The following ACTR1B variants were observed in gnomAD, a reference collection of about 807,000 sequenced individuals.
ACTR1B encodes the protein beta-centractin.
A neutral mutation model predicts 49.4 loss-of-function variants in ACTR1B; 34 were observed. That is an observed-to-expected ratio of 0.69 (90% CI 0.52 to 0.92). The LOEUF is 0.92. Among genes scored for constraint, ACTR1B ranks in the 40% least tolerant of loss-of-function variants. The pLI is 0.00. For synonymous variants in ACTR1B, 207 were observed against 207.8 expected (o/e 1.00, Z 0.03); for missense variants, 471 against 522.4 (o/e 0.90, Z 0.96).
At chr2:97,663,784 C>T in intron 1 of ACTR1B, 59 bp downstream of exon 1, 1 of 1,213,456 alleles carries the variant, frequency 8.2e-7, no homozygotes. Flanking sequence ...TCTCCCTGCG[C>T]CGCCGCGTGC....
Position 97,661,942 on chromosome 2 carries a change from G to A in ACTR1B, c.53C>T (p.Ser18Leu), listed in dbSNP as rs755547378. The part of the protein sequence containing the change: ...ANQPVVIDNG[S>L]GVIKAGFAGD... ...TGCAAAGCCAGCTTTAATCACCCCC[G>A]AACCCTGCAAGGAAAAACAAAGTTG... Residue 18 changes from serine to leucine, a missense_variant, in exon 2 of 11, where the codon TCG becomes TTG. Ser to Leu is a moderately radical substitution (Grantham distance 145). Transcript: ENST00000289228. 59 of 1,589,736 alleles carry A rather than the reference G, an allele frequency of 3.7e-5. No individual in the cohort carries two copies. Among genetic ancestry groups the A allele is most frequent in the Non-Finnish European group, 5.1e-5 (59 of 1,166,172 alleles).
At chr2:97,661,220 C>A (rs1179022582) in intron 2 of ACTR1B, among the ~76,000 whole-genome samples, 1 of 152,266 alleles carries the variant, frequency 6.6e-6, no homozygotes, top group Non-Finnish European at 1.5e-5. Context: ...GCGCACCATG[C>A]TAGCTCTGTC....
chr2:97,659,061 G>A lies in ACTR1B; in HGVS notation c.316-58C>T, dbSNP rs1674940406. The A allele has an allele frequency of 1.2e-6, 2 of 1,609,472 alleles. No homozygotes were observed. ...GGAGGCAACTTGCAAGGCCCTAAAA[G>A]GCTCTTTCCAGAGAACCACACCCGC... On this transcript the variant is annotated intron_variant, in intron 4 of 10. Transcript: ENST00000289228. This position sits in a 1 kb window ranked among gnomAD's most constrained non-coding sequence, Gnocchi z 4.0.
In ACTR1B at chr2:97,658,703, AGGGGAGGAACCCT is replaced by A. The variant is rs1674927896; in HGVS notation, c.441-73_441-61del. Reference sequence around the variant, plus strand: ...CTGAGGCACGGGGACCTCCTCACCCAGGGGAGGAACCCTGGCACATCTGCATTATCTAGTCTGA... The same window carrying A: ...CTGAGGCACGGGGACCTCCTCACCCAGGCACATCTGCATTATCTAGTCTGA... On this transcript the variant is annotated intron_variant, in intron 5 of 10. Transcript: ENST00000289228. The surrounding 1 kb of genome is among the most constrained non-coding windows in gnomAD (Gnocchi z 5.9). 6.3e-7 allele frequency: 1 copy of A among 1,590,252 alleles called. No individual in the cohort carries two copies. The highest frequency in any genetic ancestry group is 1.3e-5 in the African/African-American group (1 of 74,384).
At chr2:97,657,905 G>A in intron 8 of ACTR1B, 38 bp downstream of exon 8, 5 of 1,604,150 alleles carry the variant, frequency 3.1e-6, no homozygotes, top group Non-Finnish European at 4.3e-6. Context: ...GCTGCCCTGG[G>A]CCTCGTCTCA....
chr2:97,659,289 G>A lies in ACTR1B; in HGVS notation c.315+63C>T. 1 of 1,607,040 alleles carries A rather than the reference G, an allele frequency of 6.2e-7. No homozygotes were observed. The highest frequency in any genetic ancestry group is 1.3e-5 in the African/African-American group (1 of 74,948). On this transcript the variant is annotated intron_variant, in intron 4 of 10. Transcript: ENST00000289228. The surrounding 1 kb of genome is among the most constrained non-coding windows in gnomAD (Gnocchi z 4.0). ...GAAATGTGGGAGCCCGGCGAGGAGG[G>A]ACGCAGAGGAGAGGGGCATGGCCAG...
chr2:97,659,054 C>T lies in ACTR1B; in HGVS notation c.316-51G>A, dbSNP rs1355437088. 1 of 1,611,112 alleles carries T rather than the reference C, an allele frequency of 6.2e-7. No homozygotes were observed. The highest frequency in any genetic ancestry group is 8.5e-7 in the Non-Finnish European group (1 of 1,178,318). Reference sequence around the variant, plus strand: ...CATCAGAGGAGGCAACTTGCAAGGCCCTAAAAGGCTCTTTCCAGAGAACCA... The same window carrying T: ...CATCAGAGGAGGCAACTTGCAAGGCTCTAAAAGGCTCTTTCCAGAGAACCA... On this transcript the variant is annotated intron_variant, in intron 4 of 10. Coordinates refer to ENST00000289228, the MANE Select transcript of ACTR1B (RefSeq NM_005735.4). This position sits in a 1 kb window ranked among gnomAD's most constrained non-coding sequence, Gnocchi z 4.0.
At chr2:97,663,497 C>T (rs1264311825) in intron 1 of ACTR1B, among the ~76,000 whole-genome samples, 1 of 152,216 alleles carries the variant, frequency 6.6e-6, no homozygotes, top group African/African-American at 2.4e-5. Context: ...CGGAAAGGAA[C>T]TGGTGTGGAA....
At chr2:97,657,554 C>T (rs1356740497) in intron 8 of ACTR1B, 45 bp from the exon 9 acceptor site, 5 of 1,597,858 alleles carry the variant, frequency 3.1e-6, no homozygotes, top group Admixed American at 3.3e-5. Flanking sequence ...CACCCGGCCT[C>T]CTCGCTGCTA....
rs1352509889 is a variant in ACTR1B at position 97,658,476 on chromosome 2, A to G, written c.608T>C (p.Val203Ala). 6.2e-7 allele frequency: 1 copy of G among 1,613,818 alleles called. No individual in the cohort carries two copies. Among genetic ancestry groups the G allele is most frequent in the East Asian group, 2.2e-5 (1 of 44,860 alleles). Residue 203 changes from valine (V) to alanine (A), a missense_variant, in exon 6 of 11, where the codon GTT becomes GCT. Val to Ala is a moderately conservative substitution (Grantham distance 64). Coordinates refer to ENST00000289228, the MANE Select transcript of ACTR1B (RefSeq NM_005735.4). The surrounding 1 kb of genome is among the most constrained non-coding windows in gnomAD (Gnocchi z 5.9). ...YLRLLLRKEG[V>A]DFHTSAEFEV... Reference sequence around the variant, plus strand: ...AAACTCAGCCGAGGTATGGAAGTCAACCCCTTCCTTGCGCAGCAGGAGTCG... The same window carrying G: ...AAACTCAGCCGAGGTATGGAAGTCAGCCCCTTCCTTGCGCAGCAGGAGTCG...
chr2:97,658,684 C>T lies in ACTR1B; in HGVS notation c.441-41G>A. The T allele has an allele frequency of 6.2e-7, 1 of 1,604,108 alleles. No individual in the cohort carries two copies. Among genetic ancestry groups the T allele is most frequent in the Non-Finnish European group, 8.5e-7 (1 of 1,172,436 alleles). ...CATCCCCTCACCTCAGCCACTGAGG[C>T]ACGGGGACCTCCTCACCCAGGGGAG... is the stretch of plus-strand genomic sequence containing the variant. On this transcript the variant is annotated intron_variant, in intron 5 of 10. Coordinates refer to ENST00000289228, the MANE Select transcript of ACTR1B (RefSeq NM_005735.4). This position sits in a 1 kb window ranked among gnomAD's most constrained non-coding sequence, Gnocchi z 5.9.
Position 97,663,948 on chromosome 2 carries a change from G to T in ACTR1B, c.-58C>A. 1.0e-6 allele frequency: 1 copy of T among 996,306 alleles called. No individual in the cohort carries two copies. The highest frequency in any genetic ancestry group is 3.3e-5 in the South Asian group (1 of 30,124). The allele number at this position is 996,306 out of a possible 1,614,324, so 61.7% of individuals were successfully genotyped here. On this transcript the variant is annotated 5_prime_UTR_variant, in exon 1 of 11. Coordinates refer to ENST00000289228, the MANE Select transcript of ACTR1B (RefSeq NM_005735.4). The stretch of plus-strand genomic sequence containing the variant: ...GGCTGCAGGAGGCACCGGATGGGCG[G>T]GCGGGCGGGAGGACCGGGACGGCGG...
intron 1 of ACTR1B, among the ~76,000 whole-genome samples, chr2:97,663,602 G>T (rs1257658500): frequency 1.3e-5 from 2 of 151,848 alleles, no homozygotes; most frequent in African/African-American, 2.4e-5. Flanking sequence ...GAACTTCCCC[G>T]CCCGACTCGG....
intron 10 of ACTR1B, 29 bp downstream of exon 10, chr2:97,657,123 C>A: frequency 6.2e-7 from 1 of 1,609,546 alleles, no homozygotes. Context: ...TGGTCTCCTC[C>A]CAGAGCCCTC....
In ACTR1B at chr2:97,656,977, A is replaced by T. The variant is rs749645665; in HGVS notation, c.1029-17T>A. 5.4e-5 allele frequency: 86 copies of T among 1,587,170 alleles called. 1 individual carries two copies. The highest frequency in any genetic ancestry group is 7.2e-5 in the Non-Finnish European group (84 of 1,165,696). ...ATGGAGCCGCTGTGGGGATGGAGGGATAGTATTGCTGTGGACCTGTCAGGG... is the reference window on the plus strand; with the variant it reads ...ATGGAGCCGCTGTGGGGATGGAGGGTTAGTATTGCTGTGGACCTGTCAGGG... On this transcript the variant is annotated splice_polypyrimidine_tract_variant and intron_variant, in intron 10 of 10. Transcript: ENST00000289228.
chr2:97,656,798 G>A lies in ACTR1B; in HGVS notation c.*60C>T. On this transcript the variant is annotated 3_prime_UTR_variant, in exon 11 of 11. Transcript: ENST00000289228. The stretch of plus-strand genomic sequence containing the variant: ...AGTATACGAGCCAAGACCAAAAAGG[G>A]TTAAAGGCTCTGTCTCCCCTCCCTC... The A allele has an allele frequency of 1.4e-6, 2 of 1,435,590 alleles. No individual in the cohort carries two copies. The allele number at this position is 1,435,590 out of a possible 1,614,324, so 88.9% of individuals were successfully genotyped here.
chr2:97,657,420 G>GC, intron 9 of ACTR1B, 28 bp downstream of exon 9: 1 of 1,613,122 alleles, frequency 6.2e-7, no homozygotes, highest in South Asian at 1.1e-5. Context: ...GCGCCCTAGT[G>GC]CCCCAGGGGG....
Position 97,656,867 on chromosome 2 carries a change from T to A in ACTR1B, c.1122A>T (p.Lys374Asn). 1 of 1,583,244 alleles carries A rather than the reference T, an allele frequency of 6.3e-7. No individual in the cohort carries two copies. Among genetic ancestry groups the A allele is most frequent in the Non-Finnish European group, 8.6e-7 (1 of 1,164,070 alleles). ...CCGCCCTCCTTGGGCACTAGAAAGT[T>A]TTGCGATGAATAGCACGGGAGCCAT... ...EEDGSRAIHR[K>N]TF The change falls in exon 11 of 11, where the codon AAA (lysine) becomes AAT (asparagine). Residue 374 changes from lysine to asparagine, a missense_variant. Physicochemically the swap from Lys to Asn is moderately conservative, Grantham distance 94. Coordinates refer to ENST00000289228, the MANE Select transcript of ACTR1B (RefSeq NM_005735.4).
At chr2:97,660,300 G>A (rs1559290015) in intron 3 of ACTR1B, among the ~76,000 whole-genome samples, 1 of 152,238 alleles carries the variant, frequency 6.6e-6, no homozygotes, top group Non-Finnish European at 1.5e-5. Flanking sequence ...TGAAGTGTGT[G>A]TGATTCTGAC....
Sources: gnomAD v4.1 joint callset for allele counts (sites outside exome capture counted in the v4.1 genomes callset) on GRCh38, gnomAD v4.1.1 for gene constraint, Gnocchi (gnomAD v3.1) non-coding constraint, MANE v1.5 for transcripts, NCBI Gene and HGNC (gene_info 2026-07-23, HGNC 2026-07-21) for gene names.